Variants in MARCHF6 observed in about 807,000 individuals in gnomAD.
The protein encoded by MARCHF6 is membrane associated ring-CH-type finger 6, also known as E3 ubiquitin-protein ligase MARCHF6.
MARCHF6 carries 31 observed loss-of-function variants against 133.7 expected under a neutral mutation model. The observed-to-expected ratio is 0.23, with a 90% CI of 0.17 to 0.31. MARCHF6 has a LOEUF of 0.31. MARCHF6 is among the 10% of genes least tolerant of loss of function. MARCHF6 has a pLI of 1.00. For missense variants in MARCHF6, 723 were observed against 1,121.6 expected (o/e 0.64, Z 5.08); for synonymous variants, 395 against 402.5 (o/e 0.98, Z 0.22).
intron 5 of MARCHF6, among the ~76,000 whole-genome samples, chr5:10,389,177 A>T (rs767227012): frequency 1.4e-4 from 22 of 152,176 alleles, no homozygotes; most frequent in Non-Finnish European, 2.5e-4. Flanking sequence ...GAGGCTTTTG[A>T]GTTATCTGTG....
chr5:10,422,761 A>G (rs1165046312), intron 22 of MARCHF6, among the ~76,000 whole-genome samples: 3 of 152,140 alleles, frequency 2.0e-5, no homozygotes, highest in Non-Finnish European at 1.5e-5. Context: ...AGTGAAGAGG[A>G]GAATTAACAA....
chr5:10,422,097 C>T (rs1456517638), intron 22 of MARCHF6: 3 of 152,204 alleles, frequency 2.0e-5, no homozygotes, highest in Middle Eastern at 3.4e-3. Flanking sequence ...TAAAGCAGAA[C>T]GCAGTTGTTG....
intron 5 of MARCHF6, among the ~76,000 whole-genome samples, chr5:10,388,591 A>G (rs185510313): frequency 3.0e-4 from 46 of 152,204 alleles, no homozygotes; most frequent in Non-Finnish European, 6.0e-4. Flanking sequence ...GGGCTTGCCT[A>G]GGTCACTCAG....
rs1195330864 is a variant in MARCHF6, at chr5:10,438,630, G to C, written c.*4946G>C. On this transcript the variant is annotated 3_prime_UTR_variant, in exon 26 of 26. Coordinates refer to ENST00000274140, the MANE Select transcript of MARCHF6 (RefSeq NM_005885.4). ...CCCTCCTCCTCCATGTTTTTATTTT[G>C]GTGTCTGTTTTGTTTCTAGCACTGT... is the stretch of plus-strand genomic sequence containing the variant. The C allele has an allele frequency of 6.6e-6, 1 of 152,142 alleles. No individual in the cohort carries two copies. The highest frequency in any genetic ancestry group is 1.5e-5 in the Non-Finnish European group (1 of 68,028). 9.4% of individuals were successfully genotyped at this position (152,142 alleles called of 1,614,324 possible). A position where few individuals can be genotyped will look rare whatever the true frequency, so the allele number is the denominator to read the frequency against.
At chr5:10,366,258 C>T (rs977196128) in intron 1 of MARCHF6, among the ~76,000 whole-genome samples, 3 of 152,174 alleles carry the variant, frequency 2.0e-5, no homozygotes, top group African/African-American at 7.2e-5. Context: ...GTATACATTC[C>T]ATATAGTGAA....
intron 21 of MARCHF6, 35 bp from the exon 22 acceptor site, chr5:10,417,235 C>G (rs778312795): frequency 6.3e-7 from 1 of 1,588,362 alleles, no homozygotes; most frequent in Non-Finnish European, 8.5e-7. Context: ...TCAGAAAGAT[C>G]CTCTTTAATG....
chr5:10,387,125 C>G (rs1737528945), intron 5 of MARCHF6, 59 bp downstream of exon 5: 1 of 1,228,630 alleles, frequency 8.1e-7, no homozygotes, highest in Non-Finnish European at 1.2e-6. Context: ...TGCTTTTTTC[C>G]TTGCATATTT....
chr5:10,378,527 G>T (rs1341620874), intron 2 of MARCHF6, among the ~76,000 whole-genome samples: 1 of 152,084 alleles, frequency 6.6e-6, no homozygotes, highest in Non-Finnish European at 1.5e-5. Flanking sequence ...TTACAGTTTT[G>T]ATTAATTGAA....
intron 4 of MARCHF6, among the ~76,000 whole-genome samples, chr5:10,382,993 TG>T (rs1737247177): frequency 2.0e-5 from 3 of 152,050 alleles, no homozygotes; most frequent in Non-Finnish European, 4.4e-5. Flanking sequence ...CTTATAGACA[TG>T]GAGAGAAGTA....
chr5:10,420,076 G>A (rs1036551821), intron 22 of MARCHF6, among the ~76,000 whole-genome samples: 2 of 151,828 alleles, frequency 1.3e-5, no homozygotes, highest in African/African-American at 4.8e-5. Flanking sequence ...ACCCATCTGG[G>A]GCTGTTGACT....
Position 10,399,445 on chromosome 5 carries a change from T to C in MARCHF6, c.914-1339T>C, listed in dbSNP as rs924114087. ...TGACTTCTGTCTTCATGATTGAGTT[T>C]CCCACTCCCCTGGTAATCTACTGCG... On this transcript the variant is annotated intron_variant, in intron 10 of 25. Transcript: ENST00000274140. Among the ~76,000 whole-genome samples, 3 of 152,086 alleles carry C rather than the reference T, an allele frequency of 2.0e-5. No individual in the cohort carries two copies. In the East Asian group the frequency reaches 5.8e-4, roughly 29 times the overall value.
chr5:10,383,949 CTG>C (rs938653406), intron 4 of MARCHF6, among the ~76,000 whole-genome samples: 24 of 152,134 alleles, frequency 1.6e-4, no homozygotes, highest in African/African-American at 4.6e-4. Flanking sequence ...TACAGCATAA[CTG>C]TGCATTAAAA....
chr5:10,366,066 G>A (rs929138177), intron 1 of MARCHF6, among the ~76,000 whole-genome samples: 7 of 152,102 alleles, frequency 4.6e-5, no homozygotes, highest in African/African-American at 9.7e-5. Flanking sequence ...CTGAGTAGCT[G>A]GGATTATAGG....
At chr5:10,391,469 G>A (rs1737836646) in intron 6 of MARCHF6, 73 bp from the exon 7 acceptor site, 1 of 364,200 alleles carries the variant, frequency 2.7e-6, no homozygotes, top group South Asian at 3.9e-5. Context: ...TTTTTTAGCA[G>A]GAATAATGTG....
At chr5:10,354,931 T>TA (rs761463356) in intron 1 of MARCHF6, among the ~76,000 whole-genome samples, 3 of 152,134 alleles carry the variant, frequency 2.0e-5, no homozygotes, top group Non-Finnish European at 4.4e-5. Flanking sequence ...AATGAGTTGA[T>TA]AACGACTTAT....
intron 23 of MARCHF6, among the ~76,000 whole-genome samples, chr5:10,425,236 T>C (rs963976135): frequency 3.3e-5 from 5 of 152,182 alleles, no homozygotes; most frequent in Non-Finnish European, 7.3e-5. Context: ...TGTGTGTGTC[T>C]CTAAAGTATG....
At chr5:10,421,418 A>G (rs924565069) in intron 22 of MARCHF6, among the ~76,000 whole-genome samples, 2 of 152,260 alleles carry the variant, frequency 1.3e-5, no homozygotes, top group Non-Finnish European at 2.9e-5. Context: ...GTAGACAGAT[A>G]ATGTGCAGCG....
chr5:10,413,257 T>G (rs1409732577), intron 19 of MARCHF6: 2 of 152,194 alleles, frequency 1.3e-5, no homozygotes, highest in African/African-American at 2.4e-5. Context: ...TTTACTCAGC[T>G]CTCTCGCCTC....
At chr5:10,424,787 G>A (rs971592532) in intron 23 of MARCHF6, among the ~76,000 whole-genome samples, 20 of 152,192 alleles carry the variant, frequency 1.3e-4, no homozygotes, top group Non-Finnish European at 2.6e-4. Flanking sequence ...AAGGAGAGCT[G>A]TTTTGGCTTC....
Sources: gnomAD v4.1 joint callset for allele counts (sites outside exome capture counted in the v4.1 genomes callset) on GRCh38, gnomAD v4.1.1 for gene constraint, MANE v1.5 for transcripts, NCBI Gene and HGNC (gene_info 2026-07-23, HGNC 2026-07-21) for gene names.